Variants in FUS observed in about 807,000 individuals in gnomAD.
FUS encodes RNA-binding protein FUS.
A neutral mutation model predicts 82.7 loss-of-function variants in FUS; 5 were observed. The observed-to-expected ratio is 0.06, with a 90% confidence interval of 0.03 to 0.13. The LOEUF is 0.13. Ranked by LOEUF, FUS falls within the 10% of genes least tolerant of loss-of-function variation. The pLI, the probability that FUS is intolerant of heterozygous loss-of-function variation, is 1.00. For synonymous variants in FUS, 281 were observed against 247.4 expected, an observed-to-expected ratio of 1.14 and a Z score of -1.27; for missense variants, 512 against 707.8, an observed-to-expected ratio of 0.72 and a Z score of 3.14.
chr16:31,192,857 C>T (rs765165562), downstream of FUS: 3 of 484,486 alleles, frequency 6.2e-6, no homozygotes, highest in South Asian at 4.6e-5. Context: ...CAGGCATGAG[C>T]CGCTGCATCT....
At chr16:31,193,509 C>T (rs1275057977), downstream of FUS, 4 of 529,374 alleles carry the variant, frequency 7.6e-6, no homozygotes, top group East Asian at 4.0e-5. Flanking sequence ...CCCCTGATGC[C>T]CTCCTGTTAG....
At chr16:31,181,562 C>G (rs932149504) in intron 1 of FUS, among the ~76,000 whole-genome samples, 1 of 152,076 alleles carries the variant, frequency 6.6e-6, no homozygotes, top group African/African-American at 2.4e-5. Context: ...ACTAAAAAGC[C>G]CACTTCATCT....
chr16:31,183,802 C>G, intron 3 of FUS, 56 bp from the exon 4 acceptor site: 2 of 1,609,336 alleles, frequency 1.2e-6, no homozygotes, highest in Non-Finnish European at 1.7e-6. Flanking sequence ...TAACCCATTC[C>G]TTACATTTTC....
chr16:31,189,992 T>C, intron 10 of FUS, 48 bp from the exon 11 acceptor site: 1 of 1,573,012 alleles, frequency 6.4e-7, no homozygotes, highest in Non-Finnish European at 8.7e-7. Flanking sequence ...ATTTTCGGAT[T>C]AATGTGTCTT....
rs367842783 is a variant in FUS, at chr16:31,189,808, G to A, written c.1066+14G>A. ...ACTGGTTTGATGGTATGTATGAGAA[G>A]GCTGGCAGAGGTGGGGCTGGGGATA... On this transcript the variant is annotated intron_variant, in intron 10 of 14. Coordinates refer to ENST00000254108, the MANE Select transcript of FUS (RefSeq NM_004960.4). The A allele has an allele frequency of 1.7e-5, 27 of 1,613,998 alleles. No homozygotes were observed. In the African/African-American group the frequency reaches 2.7e-4, roughly 16 times the overall value.
At chr16:31,184,070 C>G (rs2144108245) in intron 4 of FUS, 68 bp downstream of exon 4, 1 of 1,612,242 alleles carries the variant, frequency 6.2e-7, no homozygotes, top group South Asian at 1.1e-5. Flanking sequence ...GATAAAGGGA[C>G]CAGCAGTAGG....
rs2079264010 is a variant in FUS at position 31,185,999 on chromosome 16, G to A, written c.765-803G>A. 5 of 236,224 alleles carry A rather than the reference G, an allele frequency of 2.1e-5. 1 individual carries two copies. The South Asian group carries it at 6.4e-4, about 30-fold the overall frequency. 14.6% of individuals were successfully genotyped at this position (236,224 alleles called of 1,614,324 possible). ...GTCAGTGTTACTGTTTTTGGAAAAA[G>A]TAGATTTTTAAACCGAGTTTGGAAA... On this transcript the variant is annotated intron_variant, in intron 6 of 14. Transcript: ENST00000254108.
downstream of FUS, chr16:31,192,257 G>A (rs1476263847): frequency 1.9e-6 from 1 of 526,514 alleles, no homozygotes; most frequent in Non-Finnish European, 3.7e-6. Flanking sequence ...TTTGATTGGA[G>A]GGTGGAAGGC....
intron 4 of FUS, 52 bp downstream of exon 4, chr16:31,184,054 A>G (rs1465280855): frequency 2.5e-6 from 4 of 1,613,452 alleles, no homozygotes; most frequent in Middle Eastern, 1.7e-4. Flanking sequence ...TGAATTGATG[A>G]GGAATGATAA....
chr16:31,190,554 A>G (rs1010250726), intron 12 of FUS, 156 bp downstream of exon 12: 2 of 1,246,336 alleles, frequency 1.6e-6, no homozygotes, highest in African/African-American at 1.5e-5. Context: ...AGGTTGATGT[A>G]ATGGGAAAGG....
At chr16:31,185,365 C>T (rs2079252558) in intron 6 of FUS, 186 bp downstream of exon 6, 2 of 680,424 alleles carry the variant, frequency 2.9e-6, no homozygotes, top group African/African-American at 3.6e-5. Context: ...AACTTGGGAG[C>T]CTGAACTCCC....
At chr16:31,182,484 C>T (rs767929180) in intron 2 of FUS, 29 bp from the exon 3 acceptor site, 3 of 1,614,206 alleles carry the variant, frequency 1.9e-6, no homozygotes, top group East Asian at 4.5e-5. Context: ...GCCATGTTTT[C>T]TGATCACGCT....
rs186678167 is a variant in FUS, at chr16:31,188,129, G to T, written c.800-196G>T. 97 of 616,646 alleles carry T rather than the reference G, an allele frequency of 1.6e-4. No homozygotes were observed. In the East Asian group the frequency reaches 2.5e-3, roughly 16 times the overall value. 38.2% of individuals were successfully genotyped at this position (616,646 alleles called of 1,614,324 possible). ...AGACTCAAGTTACAGATCTTAAGGG[G>T]CCTGCCTAGAATTTTCTCCTCTGGG... On this transcript the variant is annotated intron_variant, in intron 7 of 14. Transcript: ENST00000254108.
rs371057360 is a variant in FUS at position 31,191,377 on chromosome 16, ATT to A, written c.1542-6_1542-5del. The A allele has an allele frequency of 4.0e-3, 5,886 of 1,462,448 alleles. No individual in the cohort carries two copies. Among genetic ancestry groups the A allele is most frequent in the Admixed American group, 6.8e-3 (363 of 53,514 alleles). 90.6% of individuals were successfully genotyped at this position (1,462,448 alleles called of 1,614,324 possible). ...GTAACTCAAATATAATGGATACTTA[ATT>A]TTTTTTTTTTTTTTTGCAGGGGTGA... On this transcript the variant is annotated intron_variant, in intron 14 of 14. Transcript: ENST00000254108.
At chr16:31,187,944 C>T (rs2079294502) in intron 7 of FUS, 1 of 312,582 alleles carries the variant, frequency 3.2e-6, no homozygotes, top group Admixed American at 4.6e-5. Flanking sequence ...TGGCTGGTGG[C>T]GAGCCCATCT....
intron 7 of FUS, chr16:31,187,152 C>T (rs939284548): frequency 5.0e-5 from 23 of 459,998 alleles, no homozygotes; most frequent in Non-Finnish European, 8.0e-5. Flanking sequence ...CTGGAGAGTG[C>T]GTGCTGGAAC....
Position 31,180,746 on chromosome 16 carries a change from G to T in FUS, c.13+519G>T, listed in dbSNP as rs191534267. Among the ~76,000 whole-genome samples the T allele has an allele frequency of 2.6e-5, 4 of 152,278 alleles. No individual in the cohort carries two copies. The East Asian group carries it at 7.7e-4, about 29-fold the overall frequency. On this transcript the variant is annotated intron_variant, in intron 1 of 14. Coordinates refer to ENST00000254108, the MANE Select transcript of FUS (RefSeq NM_004960.4). ...TCCGGTGTGAGCCTTGTCCCTCAGT[G>T]GTCCTTCGCGAATGGGCGGGATCGC...
downstream of FUS, chr16:31,191,645 G>A (rs765684596): frequency 7.1e-6 from 5 of 707,872 alleles, no homozygotes; most frequent in South Asian, 4.5e-5. Context: ...CTGGAAGATC[G>A]ATGTCCCGAT....
chr16:31,194,622 A>C (rs754475528), downstream of FUS: 6 of 491,510 alleles, frequency 1.2e-5, no homozygotes, highest in Non-Finnish European at 2.0e-5. Context: ...TTTTATTTTT[A>C]ATTAACTTGT....
Sources: allele counts gnomAD v4.1 joint callset (sites outside exome capture counted in the v4.1 genomes callset), GRCh38; gene constraint gnomAD v4.1.1; transcripts MANE v1.5; gene names NCBI Gene and HGNC (gene_info 2026-07-23, HGNC 2026-07-21).